Variants in ZNF160 observed in about 807,000 individuals in gnomAD.
ZNF160 encodes the protein KRAB zinc finger protein KR18.
A neutral mutation model predicts 13.1 loss-of-function variants in ZNF160; 9 were observed. That is an observed-to-expected ratio of 0.69 (90% CI 0.41 to 1.20). ZNF160 has a LOEUF of 1.20. Among genes scored for constraint, ZNF160 ranks in the 50% most tolerant of loss-of-function variants. The pLI is 0.01. For missense variants in ZNF160, 838 were observed against 988.0 expected, an observed-to-expected ratio of 0.85 and a Z score of 2.04; for synonymous variants, 293 against 333.2, an observed-to-expected ratio of 0.88 and a Z score of 1.31.
intron 1 of ZNF160, among the ~76,000 whole-genome samples, chr19:53,102,771 A>G (rs1037485422): frequency 2.6e-5 from 4 of 151,968 alleles, no homozygotes; most frequent in African/African-American, 9.7e-5. Flanking sequence ...GGAGGAGTAC[A>G]TTTTCCAGGG....
chr19:53,085,873 T>A, intron 3 of ZNF160: 1 of 592,586 alleles, frequency 1.7e-6, no homozygotes, highest in Non-Finnish European at 2.9e-6. Context: ...TTCTTTTCTA[T>A]GCCAGTGAGC....
chr19:53,100,941 C>G (rs912988576), intron 1 of ZNF160, among the ~76,000 whole-genome samples: 1 of 150,716 alleles, frequency 6.6e-6, no homozygotes, highest in South Asian at 2.1e-4. Context: ...CAAGGTCACA[C>G]GAGTGCACTA....
In ZNF160 at chr19:53,069,369, T is replaced by G; in HGVS notation, c.1165A>C (p.Arg389=). 1 of 1,614,006 alleles carries G rather than the reference T, an allele frequency of 6.2e-7. No individual in the cohort carries two copies. The highest frequency in any genetic ancestry group is 8.5e-7 in the Non-Finnish European group (1 of 1,179,950). ...TAAGGTTTCTCTCCAGTGTGAATTC[T>G]CCAATGACTTATAAGGTGTGAATTT... ...TQNSHLISHW[R]IHTGEKPYKC... The change falls in exon 6 of 6, where the codon AGA becomes CGA. Residue 389 remains arginine, a synonymous_variant. Transcript: ENST00000683776. This position sits in a 1 kb window ranked among gnomAD's most constrained non-coding sequence, Gnocchi z 4.4.
At chr19:53,096,007 C>A (rs2085220476) in intron 1 of ZNF160, among the ~76,000 whole-genome samples, 1 of 152,138 alleles carries the variant, frequency 6.6e-6, no homozygotes, top group Non-Finnish European at 1.5e-5. Flanking sequence ...CATATGAAGT[C>A]AGGAGTTCAA....
chr19:53,077,962 C>A (rs1213140741), intron 3 of ZNF160, among the ~76,000 whole-genome samples: 1 of 152,032 alleles, frequency 6.6e-6, no homozygotes, highest in Admixed American at 6.6e-5. Flanking sequence ...CACACTAGAG[C>A]CAGGCGTGAT....
At chr19:53,090,771 C>T (rs1222464197) in intron 2 of ZNF160, among the ~76,000 whole-genome samples, 1 of 152,094 alleles carries the variant, frequency 6.6e-6, no homozygotes, top group African/African-American at 2.4e-5. Context: ...TCTCTTGCAC[C>T]GGAGCTGCGG....
At position 53,091,500 on chromosome 19, in the gene ZNF160, C is replaced by T. The variant is rs978409602; in HGVS notation, c.-133G>A. On this transcript the variant is annotated 5_prime_UTR_variant, in exon 2 of 6. Transcript: ENST00000683776. ...TAGGCGGGGCCCGGGGCAGGCGCCTCGTGCAGAGAGGCCAGGAGTTGGGAG... is the reference window on the plus strand; with the variant it reads ...TAGGCGGGGCCCGGGGCAGGCGCCTTGTGCAGAGAGGCCAGGAGTTGGGAG... 1.3e-5 allele frequency: 2 copies of T among 151,730 alleles called. No individual in the cohort carries two copies. Among genetic ancestry groups the T allele is most frequent in the Admixed American group, 6.6e-5 (1 of 15,234 alleles). The allele number at this position is 151,730 out of a possible 1,614,324, so 9.4% of individuals were successfully genotyped here.
At chr19:53,076,953 A>G (rs1046993293) in intron 3 of ZNF160, 55 of 152,296 alleles carry the variant, frequency 3.6e-4, no homozygotes, top group African/African-American at 1.3e-3. Flanking sequence ...CACAAGGCTC[A>G]TAACGTTCTG....
chr19:53,100,632 T>C (rs2085411567), intron 1 of ZNF160, among the ~76,000 whole-genome samples: 1 of 151,112 alleles, frequency 6.6e-6, no homozygotes, highest in South Asian at 2.1e-4. Flanking sequence ...AGTTAATAGG[T>C]TCTTATGTTA....
At chr19:53,072,226 C>T (rs1043473956) in intron 5 of ZNF160, among the ~76,000 whole-genome samples, 13 of 151,928 alleles carry the variant, frequency 8.6e-5, no homozygotes, top group African/African-American at 2.4e-4. Flanking sequence ...CTCAGTCTCC[C>T]GAATAGCTGG....
At chr19:53,100,558 C>T (rs1366283230) in intron 1 of ZNF160, among the ~76,000 whole-genome samples, 2 of 151,500 alleles carry the variant, frequency 1.3e-5, no homozygotes, top group Non-Finnish European at 2.9e-5. Context: ...TGCAGTGAGC[C>T]GAGATTGCAC....
rs1399268598 is a variant in ZNF160 at position 53,085,335 on chromosome 19, T to C, written c.15+927A>G. 4.9e-5 allele frequency: 21 copies of C among 430,776 alleles called. No homozygotes were observed. In the Admixed American group the frequency reaches 1.3e-3, roughly 28 times the overall value. 26.7% of individuals were successfully genotyped at this position (430,776 alleles called of 1,614,324 possible). ...TGTCAAAATACATTTCTACAGGACT[T>C]GCACTGACCCTTCCCACAGAATTGA... On this transcript the variant is annotated intron_variant, in intron 3 of 5. Coordinates refer to ENST00000683776, the MANE Select transcript of ZNF160 (RefSeq NM_001322131.2).
At chr19:53,086,609 T>C (rs1319290808) in intron 2 of ZNF160, among the ~76,000 whole-genome samples, 1 of 152,030 alleles carries the variant, frequency 6.6e-6, no homozygotes, top group Non-Finnish European at 1.5e-5. Context: ...AGCTCCCCTT[T>C]AGGACACAGA....
chr19:53,093,368 G>A (rs1464511134), intron 1 of ZNF160, among the ~76,000 whole-genome samples: 1 of 152,188 alleles, frequency 6.6e-6, no homozygotes, highest in Non-Finnish European at 1.5e-5. Context: ...GAACCTGGGA[G>A]GCAGAGGCTG....
At chr19:53,090,462 CCTCTTTCTCCTGTCT>C (rs545535728) in intron 2 of ZNF160, among the ~76,000 whole-genome samples, 3 of 152,304 alleles carry the variant, frequency 2.0e-5, no homozygotes, top group East Asian at 1.9e-4. Context: ...TTTTCTATTT[CCTCTTTCTCCTGTCT>C]CTCTTTCTCC....
chr19:53,103,303 A>G lies in ZNF160; in HGVS notation c.-392T>C, dbSNP rs1253824331. On this transcript the variant is annotated 5_prime_UTR_variant, in exon 1 of 6. Coordinates refer to ENST00000683776, the MANE Select transcript of ZNF160 (RefSeq NM_001322131.2). The stretch of plus-strand genomic sequence containing the variant: ...TGCGGTGCGGAGATTTTAAGTCCGT[A>G]GCGACCCCCGGGCATCGGGTGTGCG... The G allele has an allele frequency of 6.6e-6, 1 of 151,890 alleles. No homozygotes were observed. The allele number at this position is 151,890 out of a possible 1,614,324, so 9.4% of individuals were successfully genotyped here. A position where few individuals can be genotyped will look rare whatever the true frequency, so the allele number is the denominator to read the frequency against.
intron 3 of ZNF160, among the ~76,000 whole-genome samples, chr19:53,081,010 C>T (rs994118775): frequency 5.3e-5 from 8 of 152,100 alleles, no homozygotes; most frequent in African/African-American, 1.9e-4. Flanking sequence ...GGAAAACTGG[C>T]TAAACATATG....
intron 3 of ZNF160, among the ~76,000 whole-genome samples, chr19:53,081,939 T>TA (rs1399751734): frequency 4.6e-5 from 7 of 152,188 alleles, no homozygotes; most frequent in East Asian, 3.9e-4. Flanking sequence ...TATACAGCCA[T>TA]AAAAAAACAA....
chr19:53,101,162 C>A (rs529085644), intron 1 of ZNF160, among the ~76,000 whole-genome samples: 44 of 152,168 alleles, frequency 2.9e-4, no homozygotes, highest in Non-Finnish European at 5.7e-4. Context: ...CACCTGTAAT[C>A]CCAGCTAGTT....
Sources: gnomAD v4.1 joint callset for allele counts (sites outside exome capture counted in the v4.1 genomes callset) on GRCh38, gnomAD v4.1.1 for gene constraint, Gnocchi (gnomAD v3.1) non-coding constraint, MANE v1.5 for transcripts, NCBI Gene and HGNC (gene_info 2026-07-23, HGNC 2026-07-21) for gene names.